SGCZ: variants seen among roughly 807,000 people sequenced by gnomAD.
SGCZ encodes sarcoglycan zeta.
SGCZ carries 40 observed loss-of-function variants against 41.3 expected under a neutral mutation model. The observed-to-expected ratio is 0.97, with a 90% CI of 0.75 to 1.26. The LOEUF is 1.26. Ranked by LOEUF, SGCZ falls within the 50% of genes most tolerant of loss-of-function variation. The pLI, the probability that SGCZ is intolerant of heterozygous loss-of-function variation, is 0.00. For synonymous variants in SGCZ, 206 were observed against 137.5 expected, an observed-to-expected ratio of 1.50 and a Z score of -3.49; for missense variants, 552 against 369.8, an observed-to-expected ratio of 1.49 and a Z score of -4.04.
At chr8:14,776,867 A>C (rs1016699045) in intron 1 of SGCZ, among the ~76,000 whole-genome samples, 2 of 152,198 alleles carry the variant, frequency 1.3e-5, no homozygotes, top group African/African-American at 4.8e-5. Flanking sequence ...AAAATACTGA[A>C]ATAAATTAAA....
intron 1 of SGCZ, among the ~76,000 whole-genome samples, chr8:14,694,858 G>A (rs1222061249): frequency 2.0e-5 from 3 of 152,064 alleles, no homozygotes; most frequent in Non-Finnish European, 4.4e-5. Flanking sequence ...AGAACATTCA[G>A]TAGTTTGTGT....
intron 1 of SGCZ, among the ~76,000 whole-genome samples, chr8:15,226,920 G>A (rs1406673141): frequency 6.6e-6 from 1 of 152,184 alleles, no homozygotes; most frequent in African/African-American, 2.4e-5. Flanking sequence ...GATCTTCTGA[G>A]CTCCAGCTTG....
At chr8:14,325,621 T>C (rs1053226196) in intron 2 of SGCZ, among the ~76,000 whole-genome samples, 2 of 146,908 alleles carry the variant, frequency 1.4e-5, no homozygotes, top group Non-Finnish European at 3.0e-5. Flanking sequence ...TAATATATAG[T>C]TGATCATGTA....
intron 1 of SGCZ, among the ~76,000 whole-genome samples, chr8:14,721,902 T>G (rs1809898691): frequency 2.0e-5 from 3 of 152,150 alleles, no homozygotes; most frequent in African/African-American, 7.2e-5. Context: ...GTCCTCTATG[T>G]CCTGTTCCTT....
At chr8:14,310,051 C>T (rs750369182) in intron 3 of SGCZ, among the ~76,000 whole-genome samples, 1 of 152,084 alleles carries the variant, frequency 6.6e-6, no homozygotes, top group African/African-American at 2.4e-5. Flanking sequence ...AAAAAAAATT[C>T]TGTTGTTCCA....
chr8:15,020,898 A>T (rs1051566689), intron 1 of SGCZ, among the ~76,000 whole-genome samples: 2 of 152,198 alleles, frequency 1.3e-5, no homozygotes, highest in African/African-American at 4.8e-5. Flanking sequence ...TAAAATTTAG[A>T]AATTCAGTTA....
At chr8:14,812,745 T>G (rs540257562) in intron 1 of SGCZ, among the ~76,000 whole-genome samples, 1 of 152,310 alleles carries the variant, frequency 6.6e-6, no homozygotes, top group African/African-American at 2.4e-5. Context: ...CATTCCTGTC[T>G]TCTAGAAGAT....
chr8:15,177,909 A>G (rs534829128), intron 1 of SGCZ, among the ~76,000 whole-genome samples: 5 of 152,294 alleles, frequency 3.3e-5, no homozygotes, highest in Non-Finnish European at 5.9e-5. Flanking sequence ...GCCTCCTGAT[A>G]TACCCAGAAC....
chr8:14,597,762 C>A lies in SGCZ; in HGVS notation c.40-42836G>T, dbSNP rs188722141. Among the ~76,000 whole-genome samples the A allele has an allele frequency of 5.9e-5, 9 of 152,270 alleles. No homozygotes were observed. The East Asian group carries it at 1.5e-3, about 26-fold the overall frequency. On this transcript the variant is annotated intron_variant, in intron 1 of 7. Transcript: ENST00000382080. The stretch of plus-strand genomic sequence containing the variant: ...AAAGTGCTGGGATTACAGGTGTGAG[C>A]CACTGCACCTGGCCTCACTTCTTTT...
chr8:14,530,486 AT>A (rs1329062119), intron 2 of SGCZ, among the ~76,000 whole-genome samples: 2 of 152,164 alleles, frequency 1.3e-5, no homozygotes, highest in Admixed American at 1.3e-4. Context: ...TCATATTCAC[AT>A]TTTAGAGCAT....
intron 5 of SGCZ, among the ~76,000 whole-genome samples, chr8:14,129,644 A>G (rs932799241): frequency 3.9e-5 from 6 of 152,048 alleles, no homozygotes; most frequent in Non-Finnish European, 8.8e-5. Flanking sequence ...TATACCTTGA[A>G]GAAGAGAAGA....
At chr8:14,296,152 A>G (rs1282414415) in intron 3 of SGCZ, among the ~76,000 whole-genome samples, 2 of 152,182 alleles carry the variant, frequency 1.3e-5, no homozygotes, top group African/African-American at 4.8e-5. Flanking sequence ...CTAAGACTCA[A>G]CAAGATCTAT....
intron 2 of SGCZ, among the ~76,000 whole-genome samples, chr8:14,502,636 G>T (rs1191426768): frequency 1.3e-5 from 2 of 152,098 alleles, no homozygotes; most frequent in African/African-American, 2.4e-5. Flanking sequence ...ATTAAAAAGT[G>T]GGCGAAGAAT....
At chr8:14,802,425 A>G (rs1035135409) in intron 1 of SGCZ, among the ~76,000 whole-genome samples, 3 of 152,202 alleles carry the variant, frequency 2.0e-5, no homozygotes, top group African/African-American at 7.2e-5. Context: ...CAACCCTTTA[A>G]AAAGTAATTT....
In SGCZ at chr8:14,217,684, C is replaced by T. The variant is rs193034126; in HGVS notation, c.424+19908G>A. On this transcript the variant is annotated intron_variant, in intron 4 of 7. Transcript: ENST00000382080. ...AGTCTCTGTCACCCAGGCTGGAGTGCAGCGGTGTGATCTCGGCTCACTGCA... is the reference window on the plus strand; with the variant it reads ...AGTCTCTGTCACCCAGGCTGGAGTGTAGCGGTGTGATCTCGGCTCACTGCA... Among the ~76,000 whole-genome samples, 826 of 134,790 alleles carry T rather than the reference C, an allele frequency of 6.1e-3. 7 individuals are homozygous for T. Among genetic ancestry groups the T allele is most frequent in the Non-Finnish European group, 8.0e-3 (524 of 65,408 alleles). The allele number at this position is 134,790 out of a possible 152,430, so 88.4% of individuals were successfully genotyped here. A position where few individuals can be genotyped will look rare whatever the true frequency, so the allele number is the denominator to read the frequency against.
At chr8:14,737,771 T>C (rs1320743828) in intron 1 of SGCZ, among the ~76,000 whole-genome samples, 2 of 152,060 alleles carry the variant, frequency 1.3e-5, no homozygotes, top group Non-Finnish European at 2.9e-5. Flanking sequence ...ATGACCTCAT[T>C]TTAACTTAAT....
intron 1 of SGCZ, among the ~76,000 whole-genome samples, chr8:14,964,888 G>A (rs1016637644): frequency 1.2e-4 from 18 of 152,008 alleles, no homozygotes; most frequent in Non-Finnish European, 1.8e-4. Flanking sequence ...CGCTTCTACT[G>A]GACATCATTT....
At chr8:14,699,044 A>C (rs996055263) in intron 1 of SGCZ, among the ~76,000 whole-genome samples, 4 of 151,796 alleles carry the variant, frequency 2.6e-5, no homozygotes, top group African/African-American at 9.7e-5. Flanking sequence ...AATACTATGA[A>C]AATCATCTAA....
chr8:15,048,603 G>A (rs922488735), intron 1 of SGCZ, among the ~76,000 whole-genome samples: 5 of 152,004 alleles, frequency 3.3e-5, no homozygotes, highest in African/African-American at 1.2e-4. Context: ...CCATAGATAT[G>A]TACAATTATT....
Sources: gnomAD v4.1 joint callset for allele counts (sites outside exome capture counted in the v4.1 genomes callset) on GRCh38, gnomAD v4.1.1 for gene constraint, MANE v1.5 for transcripts, NCBI Gene and HGNC (gene_info 2026-07-23, HGNC 2026-07-21) for gene names.